The following ZNF296 variants were observed in gnomAD, a reference collection of about 807,000 sequenced individuals.
ZNF296 encodes zinc finger protein 342.
ZNF296 carries 1 observed loss-of-function variant against 13.2 expected under a neutral mutation model. That is an observed-to-expected ratio of 0.08 (90% CI 0.03 to 0.36). The LOEUF is 0.36. Among genes scored for constraint, ZNF296 ranks in the 10% least tolerant of loss-of-function variants. The pLI, the probability that ZNF296 is intolerant of heterozygous loss-of-function variation, is 0.99. For synonymous variants in ZNF296, 303 were observed against 289.0 expected (o/e 1.05, Z -0.49); for missense variants, 555 against 688.2 (o/e 0.81, Z 2.16).
In ZNF296 at chr19:45,076,192, C is replaced by A; in HGVS notation, c.182G>T (p.Arg61Leu). ...GGAGTGGTGGGGTTCGCCGCCGAAC[C>A]GCCCCGCCGAGGACACCTCCTTCGG... The part of the protein sequence containing the change: ...FSPKEVSSAG[R>L]FGGEPHHSPG... Residue 61 changes from arginine (R) to leucine (L), a missense_variant, in exon 1 of 3, where the codon CGG becomes CTG. By Grantham distance (102) the Arg-to-Leu change is moderately radical. Around this residue, in one of 3 missense-constraint regions of ZNF296, gnomAD observed 137 missense variants for 121.9 expected, o/e 1.12. Coordinates refer to ENST00000303809, the MANE Select transcript of ZNF296 (RefSeq NM_145288.3). The surrounding 1 kb of genome is among the most constrained non-coding windows in gnomAD (Gnocchi z 4.9). The A allele has an allele frequency of 6.7e-7, 1 of 1,501,304 alleles. No homozygotes were observed. 93.0% of individuals were successfully genotyped at this position (1,501,304 alleles called of 1,614,324 possible).
In ZNF296 at chr19:45,071,744, G is replaced by A. The variant is rs1967259079; in HGVS notation, c.1285C>T (p.Leu429Phe). Residue 429 changes from leucine to phenylalanine, a missense_variant, in exon 3 of 3, where the codon CTC becomes TTC. Leu to Phe is a conservative substitution (Grantham distance 22). Coordinates refer to ENST00000303809, the MANE Select transcript of ZNF296 (RefSeq NM_145288.3). The part of the protein sequence containing the change: ...CNYACAQSSK[L>F]NRHRRMHGMT... ...CCGTGCATGCGGCGGTGGCGGTTGA[G>A]CTTACTGCTCTGGGCGCAGGCGTAG... 2 of 1,610,024 alleles carry A rather than the reference G, an allele frequency of 1.2e-6. No homozygotes were observed. Among genetic ancestry groups the A allele is most frequent in the Non-Finnish European group, 1.7e-6 (2 of 1,177,576 alleles).
Position 45,071,976 on chromosome 19 carries a change from A to G in ZNF296, c.1053T>C (p.Thr351=), listed in dbSNP as rs778386913. 3 of 1,613,574 alleles carry G rather than the reference A, an allele frequency of 1.9e-6. No individual in the cohort carries two copies. The highest frequency in any genetic ancestry group is 2.5e-6 in the Non-Finnish European group (3 of 1,180,008). Residue 351 remains threonine (T), a synonymous_variant, in exon 3 of 3, where the codon ACT becomes ACC. Coordinates refer to ENST00000303809, the MANE Select transcript of ZNF296 (RefSeq NM_145288.3). ...TTTGTTCCGTGGTGATGGCTCCCCA[A>G]GTGTCTCCACCAGGGCCGGCTTGAG... ...SGAQAGPGGD[T]WGAITTEQRT... is the part of the protein sequence containing the mutation.
At chr19:45,073,299 CT>C (rs967171202) in intron 2 of ZNF296, among the ~76,000 whole-genome samples, 359 of 135,850 alleles carry the variant, frequency 2.6e-3, no homozygotes, top group Middle Eastern at 7.5e-3. Flanking sequence ...GGCTTGCTTG[CT>C]TTTTTTTTTT....
chr19:45,074,489 G>A (rs576976928), intron 2 of ZNF296, among the ~76,000 whole-genome samples: 1 of 152,242 alleles, frequency 6.6e-6, no homozygotes, highest in South Asian at 2.1e-4. Context: ...TTTCTATCTG[G>A]ACCTTCGGGG....
At chr19:45,074,794 G>C (rs1403010695) in intron 2 of ZNF296, among the ~76,000 whole-genome samples, 1 of 152,162 alleles carries the variant, frequency 6.6e-6, no homozygotes, top group Non-Finnish European at 1.5e-5. Context: ...AAACAGCAGA[G>C]CCTGTGAAAC....
At chr19:45,073,745 C>T (rs532122766) in intron 2 of ZNF296, among the ~76,000 whole-genome samples, 22 of 151,026 alleles carry the variant, frequency 1.5e-4, no homozygotes, top group African/African-American at 3.1e-4. Context: ...TGGTTTAGGC[C>T]GGGCACGGTG....
chr19:45,073,268 A>AG (rs1239554672), intron 2 of ZNF296, among the ~76,000 whole-genome samples: 1 of 146,672 alleles, frequency 6.8e-6, no homozygotes, highest in African/African-American at 2.5e-5. Context: ...CTACTGGGGG[A>AG]GGGGGAGAGG....
At position 45,072,401 on chromosome 19, in the gene ZNF296, C is replaced by T; in HGVS notation, c.628G>A (p.Val210Met). 5.6e-6 allele frequency: 9 copies of T among 1,612,378 alleles called. No individual in the cohort carries two copies. The highest frequency in any genetic ancestry group is 7.6e-6 in the Non-Finnish European group (9 of 1,179,690). ...CTCTTGGCCTCAGCTGCTGGCCCCA[C>T]CACTGCCGACACGGCTGCAGCCACC... ...AEVAAAVSAV[V>M]GPAAEAKSPR... Residue 210 changes from valine to methionine, a missense_variant, in exon 3 of 3, where the codon GTG becomes ATG. By Grantham distance (21) the Val-to-Met change is conservative. Transcript: ENST00000303809.
chr19:45,075,634 T>A, intron 2 of ZNF296, 79 bp downstream of exon 2: 1 of 1,531,590 alleles, frequency 6.5e-7, no homozygotes. Flanking sequence ...CTCAGTGCCC[T>A]GCCGTCCAGC....
chr19:45,072,824 C>G (rs1037748234), intron 2 of ZNF296, among the ~76,000 whole-genome samples: 7 of 152,076 alleles, frequency 4.6e-5, no homozygotes, highest in Non-Finnish European at 8.8e-5. Context: ...TGCAGTGGCA[C>G]GATCTCAGCT....
At chr19:45,073,979 A>G (rs1284323863) in intron 2 of ZNF296, among the ~76,000 whole-genome samples, 1 of 151,614 alleles carries the variant, frequency 6.6e-6, no homozygotes, top group Non-Finnish European at 1.5e-5. Flanking sequence ...CCGAGATCCC[A>G]CCACTGCACT....
chr19:45,075,698 C>T lies in ZNF296; in HGVS notation c.448+15G>A. ...CCTCGAACTTGAGAGGGGGACTGCA[C>T]CCGGCTTTACTCACCTGAGCCCTGG... On this transcript the variant is annotated intron_variant, in intron 2 of 2. Transcript: ENST00000303809. 1 of 1,612,444 alleles carries T rather than the reference C, an allele frequency of 6.2e-7. No individual in the cohort carries two copies. Among genetic ancestry groups the T allele is most frequent in the Non-Finnish European group, 8.5e-7 (1 of 1,178,934 alleles).
chr19:45,075,584 T>C, intron 2 of ZNF296, 129 bp downstream of exon 2: 1 of 934,146 alleles, frequency 1.1e-6, no homozygotes, highest in Non-Finnish European at 1.4e-6. Context: ...TGGCCACGCC[T>C]AGGCTGCACC....
chr19:45,076,381 G>A lies in ZNF296; in HGVS notation c.-8C>T, dbSNP rs758477933. The A allele has an allele frequency of 2.3e-6, 3 of 1,299,904 alleles. No individual in the cohort carries two copies. Among genetic ancestry groups the A allele is most frequent in the East Asian group, 2.9e-5 (1 of 35,060 alleles). The allele number at this position is 1,299,904 out of a possible 1,614,324, so 80.5% of individuals were successfully genotyped here. ...GGCCTTGCGGCGGGACATGAGTCGCGGGCCGGGCGAGCGAGCGGGCGGGCA... is the reference window on the plus strand; with the variant it reads ...GGCCTTGCGGCGGGACATGAGTCGCAGGCCGGGCGAGCGAGCGGGCGGGCA... On this transcript the variant is annotated 5_prime_UTR_variant, in exon 1 of 3. Transcript: ENST00000303809. The surrounding 1 kb of genome is among the most constrained non-coding windows in gnomAD (Gnocchi z 4.9).
In ZNF296 at chr19:45,076,015, G is replaced by C; in HGVS notation, c.298+61C>G. ...AGGGCGAGGGGCCCATGCCCAAAGG[G>C]AAGGGTCCCACCCGAGGGTCAAAGG... On this transcript the variant is annotated intron_variant, in intron 1 of 2. Transcript: ENST00000303809. This position sits in a 1 kb window ranked among gnomAD's most constrained non-coding sequence, Gnocchi z 4.9. 1 of 1,568,982 alleles carries C rather than the reference G, an allele frequency of 6.4e-7. No homozygotes were observed. The highest frequency in any genetic ancestry group is 2.3e-4 in the Middle Eastern group (1 of 4,382).
chr19:45,073,434 G>A lies in ZNF296; in HGVS notation c.449-854C>T, dbSNP rs372347482. 1.1e-3 allele frequency among the ~76,000 whole-genome samples: 161 copies of A among 147,632 alleles called. No individual in the cohort carries two copies. The South Asian group carries it at 0.013, about 12-fold the overall frequency. ...CGCCCAGGCTGCAGTGCAGTGGCGC[G>A]ATCTCGGCTCACTGCAAGCTCTGCC... is the stretch of plus-strand genomic sequence containing the variant. On this transcript the variant is annotated intron_variant, in intron 2 of 2. Transcript: ENST00000303809.
chr19:45,073,913 T>A (rs1360747226), intron 2 of ZNF296, among the ~76,000 whole-genome samples: 5 of 151,006 alleles, frequency 3.3e-5, no homozygotes, highest in Non-Finnish European at 7.4e-5. Context: ...TCCCGGCCAC[T>A]TGGGAGGTTA....
At chr19:45,075,683 G>A (rs373650478) in intron 2 of ZNF296, 30 bp downstream of exon 2, 4 of 1,607,774 alleles carry the variant, frequency 2.5e-6, no homozygotes, top group Non-Finnish European at 3.4e-6. Context: ...CCTCGAACTT[G>A]AGAGGGGGAC....
chr19:45,075,969 A>C (rs537294799), intron 1 of ZNF296, 107 bp from the exon 2 acceptor site: 1 of 1,582,662 alleles, frequency 6.3e-7, no homozygotes, highest in East Asian at 2.3e-5. Flanking sequence ...GAGGGGCAGG[A>C]CGGGGCGAAG....
Sources: gnomAD v4.1 joint callset for allele counts (sites outside exome capture counted in the v4.1 genomes callset) on GRCh38, gnomAD v4.1.1 for gene constraint, gnomAD v4.1.1 regional missense constraint, Gnocchi (gnomAD v3.1) non-coding constraint, MANE v1.5 for transcripts, NCBI Gene and HGNC (gene_info 2026-07-23, HGNC 2026-07-21) for gene names.